Variants in KDM2A observed in about 807,000 individuals in gnomAD.
The protein encoded by KDM2A is lysine-specific demethylase 2A.
Under a neutral mutation model 137.3 loss-of-function variants are expected in KDM2A, and 3 were observed. The ratio of observed to expected loss-of-function variants is 0.02; its 90% CI spans 0.01 to 0.06. The LOEUF (loss-of-function observed/expected upper bound fraction) is 0.06, where lower values mean the gene tolerates loss of function less well. KDM2A is among the 10% of genes least tolerant of loss of function. The probability of loss-of-function intolerance (pLI) is 1.00; values close to 1 mark genes in which losing one functional copy is unlikely to be tolerated. For synonymous variants in KDM2A, 512 were observed against 541.5 expected (o/e 0.95, Z 0.76); for missense variants, 738 against 1,510.6 (o/e 0.49, Z 8.48).
chr11:67,187,644 G>T (rs531373204), intron 5 of KDM2A, among the ~76,000 whole-genome samples: 1 of 151,388 alleles, frequency 6.6e-6, no homozygotes, highest in Non-Finnish European at 1.5e-5. Flanking sequence ...GTGCAGTCTC[G>T]ACTCACTGCA....
intron 5 of KDM2A, among the ~76,000 whole-genome samples, chr11:67,204,818 A>G (rs1857754556): frequency 6.6e-6 from 1 of 152,126 alleles, no homozygotes; most frequent in Non-Finnish European, 1.5e-5. Flanking sequence ...TGGTATATCC[A>G]TGTTGTAGCA....
rs1455998520 is a variant in KDM2A at position 67,250,586 on chromosome 11, G to A, written c.2556G>A (p.Gly852=). Residue 852 remains glycine, a synonymous_variant, in exon 17 of 21, where the codon GGG becomes GGA. Coordinates refer to ENST00000529006, the MANE Select transcript of KDM2A (RefSeq NM_012308.3). The surrounding 1 kb of genome is among the most constrained non-coding windows in gnomAD (Gnocchi z 7.1). ...CCCCCCAGCGTGGGGATGAGGAGGGGCTGGGGGGAGAGGAGGAGGAAGAGG... is the reference window on the plus strand; with the variant it reads ...CCCCCCAGCGTGGGGATGAGGAGGGACTGGGGGGAGAGGAGGAGGAAGAGG... ...ARTPQRGDEE[G]LGGEEEEEEE... 6 of 1,613,168 alleles carry A rather than the reference G, an allele frequency of 3.7e-6. No homozygotes were observed. In the Admixed American group the frequency reaches 6.7e-5, roughly 18 times the overall value.
rs1257004462 is a variant in KDM2A, at chr11:67,119,403, GCT to G, written c.-727_-726del. 1 of 160,636 alleles carries G rather than the reference GCT, an allele frequency of 6.2e-6. No individual in the cohort carries two copies. Among genetic ancestry groups the G allele is most frequent in the East Asian group, 1.8e-4 (1 of 5,444 alleles). 10.0% of individuals were successfully genotyped at this position (160,636 alleles called of 1,614,324 possible). ...CTTCCCAGCGGCTGGGCCCGTGGCCGCTCTGTCTTTCCTGGGCAGGGGACGCT... is the reference window on the plus strand; with the variant it reads ...CTTCCCAGCGGCTGGGCCCGTGGCCGCTGTCTTTCCTGGGCAGGGGACGCT... On this transcript the variant is annotated 5_prime_UTR_variant, in exon 1 of 21. Transcript: ENST00000529006.
At chr11:67,230,676 C>T (rs1858683625) in intron 11 of KDM2A, among the ~76,000 whole-genome samples, 1 of 151,374 alleles carries the variant, frequency 6.6e-6, no homozygotes, top group Non-Finnish European at 1.5e-5. Context: ...AATAATCATA[C>T]ACATCTGTTA....
At chr11:67,225,039 G>A (rs1177745366) in intron 10 of KDM2A, among the ~76,000 whole-genome samples, 3 of 151,208 alleles carry the variant, frequency 2.0e-5, no homozygotes, top group Non-Finnish European at 4.4e-5. Context: ...GTTTCAGCAG[G>A]CTGGTCTCGA....
chr11:67,253,006 AG>A, intron 18 of KDM2A, 149 bp downstream of exon 18: 1 of 911,880 alleles, frequency 1.1e-6, no homozygotes. Flanking sequence ...AGGTTTACCC[AG>A]GGCCATCTTA....
chr11:67,125,290 C>T (rs910294126), intron 2 of KDM2A, among the ~76,000 whole-genome samples: 28 of 151,392 alleles, frequency 1.8e-4, no homozygotes, highest in African/African-American at 6.5e-4. Flanking sequence ...GAGTGATCTT[C>T]CCACGTCAGC....
chr11:67,146,167 C>A (rs12279118), intron 2 of KDM2A, among the ~76,000 whole-genome samples: 9,415 of 151,278 alleles, frequency 0.062, 982 homozygotes, highest in African/African-American at 0.22. Flanking sequence ...AATTTTTTTT[C>A]TATTTTTAGT....
intron 1 of KDM2A, among the ~76,000 whole-genome samples, chr11:67,120,970 G>T (rs1199336970): frequency 2.0e-5 from 3 of 151,850 alleles, no homozygotes; most frequent in Non-Finnish European, 4.4e-5. Context: ...TTGTAATCCT[G>T]TGGGGAGAAA....
chr11:67,127,120 C>A (rs1437722037), intron 2 of KDM2A, among the ~76,000 whole-genome samples: 1 of 152,110 alleles, frequency 6.6e-6, no homozygotes, highest in Non-Finnish European at 1.5e-5. Context: ...TTTTTGGAGA[C>A]AGGGTCTCAC....
intron 5 of KDM2A, among the ~76,000 whole-genome samples, chr11:67,189,831 T>A (rs1565395668): frequency 6.6e-6 from 1 of 151,892 alleles, no homozygotes; most frequent in African/African-American, 2.4e-5. Flanking sequence ...AAAGTGAGAC[T>A]CTGTGTCAAA....
intron 2 of KDM2A, among the ~76,000 whole-genome samples, chr11:67,150,865 TG>T (rs1231317046): frequency 2.2e-5 from 3 of 137,066 alleles, no homozygotes; most frequent in African/African-American, 8.3e-5. Context: ...GAGGTGGGGG[TG>T]GGGTGGAGAA....
intron 5 of KDM2A, among the ~76,000 whole-genome samples, chr11:67,205,262 T>C (rs1400754018): frequency 6.6e-6 from 1 of 152,214 alleles, no homozygotes; most frequent in Non-Finnish European, 1.5e-5. Context: ...TTTTAAAATA[T>C]GAAGTGTAGG....
rs902787183 is a variant in KDM2A, at chr11:67,207,741, C to T, written c.486+53C>T. The T allele has an allele frequency of 2.0e-4, 284 of 1,403,156 alleles. 1 individual carries two copies. Among genetic ancestry groups the T allele is most frequent in the Middle Eastern group, 2.0e-4 (1 of 4,934 alleles). The allele number at this position is 1,403,156 out of a possible 1,614,324, so 86.9% of individuals were successfully genotyped here. On this transcript the variant is annotated intron_variant, in intron 6 of 20. Transcript: ENST00000529006. The stretch of plus-strand genomic sequence containing the variant: ...TCATTGTCACCAAAAGGGTTGTTTT[C>T]GGCTGGACGTTGGTAACTGATGCTT...
At chr11:67,200,472 C>T (rs1333440812) in intron 5 of KDM2A, among the ~76,000 whole-genome samples, 1 of 152,140 alleles carries the variant, frequency 6.6e-6, no homozygotes, top group Non-Finnish European at 1.5e-5. Flanking sequence ...CCGCCTCAGC[C>T]TCCCAAAGTG....
Position 67,254,585 on chromosome 11 carries a change from G to A in KDM2A, c.3307+167G>A. The A allele has an allele frequency of 1.5e-6, 1 of 675,828 alleles. No homozygotes were observed. The highest frequency in any genetic ancestry group is 2.5e-6 in the Non-Finnish European group (1 of 394,068). 41.9% of individuals were successfully genotyped at this position (675,828 alleles called of 1,614,324 possible). A position where few individuals can be genotyped will look rare whatever the true frequency, so the allele number is the denominator to read the frequency against. ...ATTTCTATCCCTTTTTTAACTGATG[G>A]GGGACTGAGGCCTTGAGTAGTTAAG... is the stretch of plus-strand genomic sequence containing the variant. On this transcript the variant is annotated intron_variant, in intron 20 of 20. Transcript: ENST00000529006. The surrounding 1 kb of genome is among the most constrained non-coding windows in gnomAD (Gnocchi z 4.7).
At chr11:67,199,354 T>C (rs1857562321) in intron 5 of KDM2A, among the ~76,000 whole-genome samples, 1 of 152,220 alleles carries the variant, frequency 6.6e-6, no homozygotes. Flanking sequence ...TGATTAAGTT[T>C]AGTGATTAAG....
chr11:67,204,108 C>T (rs1261632515), intron 5 of KDM2A, among the ~76,000 whole-genome samples: 3 of 152,076 alleles, frequency 2.0e-5, no homozygotes, highest in Non-Finnish European at 4.4e-5. Context: ...GCCTCCCCTA[C>T]ATTCTTGAAG....
intron 2 of KDM2A, among the ~76,000 whole-genome samples, chr11:67,173,441 A>T (rs1856917503): frequency 6.6e-6 from 1 of 151,816 alleles, no homozygotes; most frequent in Non-Finnish European, 1.5e-5. Context: ...TATTTTTAGT[A>T]GAGAAGGGGT....
Sources: allele counts gnomAD v4.1 joint callset (sites outside exome capture counted in the v4.1 genomes callset), GRCh38; gene constraint gnomAD v4.1.1; non-coding constraint Gnocchi (gnomAD v3.1); transcripts MANE v1.5; gene names NCBI Gene and HGNC (gene_info 2026-07-23, HGNC 2026-07-21).